Variants in SLC25A30 observed in about 807,000 individuals in gnomAD.
SLC25A30 encodes the protein solute carrier family 25 member 30, also known as kidney mitochondrial carrier protein 1.
In SLC25A30, 29 loss-of-function variants were observed where a neutral mutation model predicts 42.7. The observed-to-expected ratio is 0.68, with a 90% CI of 0.51 to 0.93. The LOEUF (loss-of-function observed/expected upper bound fraction) is 0.93. Among genes scored for constraint, SLC25A30 ranks in the 40% least tolerant of loss-of-function variants. SLC25A30 has a pLI of 0.00. For synonymous variants in SLC25A30, 124 were observed against 131.0 expected (o/e 0.95, Z 0.37); for missense variants, 300 against 359.7 (o/e 0.83, Z 1.34).
intron 4 of SLC25A30, among the ~76,000 whole-genome samples, chr13:45,405,065 G>A (rs1467434110): frequency 6.6e-6 from 1 of 152,048 alleles, no homozygotes; most frequent in East Asian, 1.9e-4. Flanking sequence ...TGGGACTATA[G>A]GCGTGCACCT....
chr13:45,424,160 G>T, the SLC25A30 span, among the ~76,000 whole-genome samples: 40,614 of 77,890 alleles, frequency 0.52, 10,680 homozygotes, highest in African/African-American at 0.56. Context: ...TATATATATA[G>T]AAATATATCA....
At chr13:45,408,660 G>A (rs78234315) in intron 3 of SLC25A30, among the ~76,000 whole-genome samples, 22,118 of 152,102 alleles carry the variant, frequency 0.15, 1,831 homozygotes, top group African/African-American at 0.21. Flanking sequence ...ATGAAAAACC[G>A]AACAGAATGT....
chr13:45,423,701 T>TATAAAATATATATAA, the SLC25A30 span, among the ~76,000 whole-genome samples: 7 of 7,310 alleles, frequency 9.6e-4, 2 homozygotes, highest in East Asian at 5.3e-3. Flanking sequence ...TATAAATATA[T>TATAAAATATATATAA]AAATATATAA....
At chr13:45,411,275 C>T in intron 2 of SLC25A30, 87 bp downstream of exon 2, 1 of 1,028,210 alleles carries the variant, frequency 9.7e-7, no homozygotes. Flanking sequence ...AACATTTCAT[C>T]ATCTCACATT....
At chr13:45,424,124 T>TAAATATATAA in the SLC25A30 span, among the ~76,000 whole-genome samples, 1 of 77,632 alleles carries the variant, frequency 1.3e-5, no homozygotes, top group Non-Finnish European at 2.3e-5. Context: ...TAAATATATA[T>TAAATATATAA]AAATATATAA....
intron 9 of SLC25A30, chr13:45,396,401 G>T: frequency 1.0e-6 from 1 of 1,002,418 alleles, no homozygotes; most frequent in Non-Finnish European, 1.2e-6. Flanking sequence ...TCCTTCCTTG[G>T]GAGGCAGGAG....
In SLC25A30 at chr13:45,411,473, T is replaced by A. The variant is rs7997155; in HGVS notation, c.-48A>T. Reference sequence around the variant, plus strand: ...TTTATAGAAACATTGCCTCCAGTGCTGTTTTTCCTGGACACAACAATAAGA... The same window carrying A: ...TTTATAGAAACATTGCCTCCAGTGCAGTTTTTCCTGGACACAACAATAAGA... On this transcript the variant is annotated 5_prime_UTR_variant, in exon 2 of 10. Coordinates refer to ENST00000519676, the MANE Select transcript of SLC25A30 (RefSeq NM_001010875.4). The A allele has an allele frequency of 0.13, 213,656 of 1,588,336 alleles. 15,378 individuals are homozygous for A. The highest frequency in any genetic ancestry group is 0.22 in the African/African-American group (16,528 of 74,546).
intron 7 of SLC25A30, 91 bp downstream of exon 7, chr13:45,400,992 A>G: frequency 8.5e-7 from 1 of 1,181,852 alleles, no homozygotes; most frequent in South Asian, 1.8e-5. Context: ...TCACTTCTGC[A>G]TTGCAACTTT....
rs183144558 is a variant in SLC25A30 at position 45,416,675 on chromosome 13, G to A, written c.-56+1625C>T. On this transcript the variant is annotated intron_variant, in intron 1 of 9. Transcript: ENST00000519676. The stretch of plus-strand genomic sequence containing the variant: ...AGTCCCAGCTACTCCGCAGGCTGAG[G>A]TGGAAGGGGCACATAAGCCCAGGAC... Among the ~76,000 whole-genome samples, 68 of 152,238 alleles carry A rather than the reference G, an allele frequency of 4.5e-4. No individual in the cohort carries two copies. In the Middle Eastern group the frequency reaches 0.014, roughly 30 times the overall value.
the SLC25A30 span, among the ~76,000 whole-genome samples, chr13:45,424,611 ATATATAAAT>A: frequency 4.6e-4 from 34 of 74,676 alleles, 5 homozygotes; most frequent in South Asian, 8.2e-3. Context: ...ATATATAAAT[ATATATAAAT>A]ATATATAAAT....
chr13:45,432,035 C>T, the SLC25A30 span, among the ~76,000 whole-genome samples: 1 of 151,870 alleles, frequency 6.6e-6, no homozygotes, highest in Non-Finnish European at 1.5e-5. Flanking sequence ...TTTGGAAGGC[C>T]AAGGTGGGTG....
intron 1 of SLC25A30, among the ~76,000 whole-genome samples, chr13:45,416,561 G>T (rs1451674007): frequency 6.6e-6 from 1 of 152,080 alleles, no homozygotes; most frequent in Non-Finnish European, 1.5e-5. Context: ...GAGGCCAGGG[G>T]TTCAAGACCA....
intron 2 of SLC25A30, 78 bp downstream of exon 2, chr13:45,411,284 T>A: frequency 4.5e-6 from 5 of 1,099,326 alleles, no homozygotes; most frequent in Non-Finnish European, 7.0e-6. Flanking sequence ...TCATCTCACA[T>A]TCTACACTTG....
chr13:45,423,812 A>ATGT, the SLC25A30 span, among the ~76,000 whole-genome samples: 1 of 38,110 alleles, frequency 2.6e-5, no homozygotes, highest in African/African-American at 7.8e-5. Flanking sequence ...TTATATATAT[A>ATGT]AAAATATAAA....
At chr13:45,425,096 T>TATAAATATATAAGTA in the SLC25A30 span, among the ~76,000 whole-genome samples, 4 of 10,394 alleles carry the variant, frequency 3.8e-4, 1 homozygote, top group African/African-American at 1.9e-3. Flanking sequence ...ATAAATATAT[T>TATAAATATATAAGTA]TATAAATATA....
chr13:45,425,516 G>T, the SLC25A30 span, among the ~76,000 whole-genome samples: 3 of 90,820 alleles, frequency 3.3e-5, 1 homozygote, highest in African/African-American at 1.3e-4. Context: ...ATATATATAA[G>T]CATATATATA....
At chr13:45,398,131 T>A in intron 8 of SLC25A30, 1 of 835,328 alleles carries the variant, frequency 1.2e-6, no homozygotes, top group Non-Finnish European at 1.4e-6. Context: ...CCTGTAGCCA[T>A]AAAAAAGAAA....
At chr13:45,414,787 A>G (rs1256775235) in intron 1 of SLC25A30, among the ~76,000 whole-genome samples, 5 of 152,156 alleles carry the variant, frequency 3.3e-5, no homozygotes, top group Non-Finnish European at 4.4e-5. Context: ...TGTTCAGTAA[A>G]CTAACCCATT....
chr13:45,423,434 A>G (rs1012070923), upstream of SLC25A30, among the ~76,000 whole-genome samples: 5 of 144,880 alleles, frequency 3.5e-5, no homozygotes, highest in African/African-American at 1.0e-4. Flanking sequence ...TTTATGCCCA[A>G]GGGTTAGCAA....
Sources: gnomAD v4.1 joint callset for allele counts (sites outside exome capture counted in the v4.1 genomes callset) on GRCh38, gnomAD v4.1.1 for gene constraint, MANE v1.5 for transcripts, NCBI Gene and HGNC (gene_info 2026-07-23, HGNC 2026-07-21) for gene names.